Variants in CCSER1 observed in about 807,000 individuals in gnomAD.
CCSER1 encodes serine-rich coiled-coil domain-containing protein 1.
A neutral mutation model predicts 82.0 loss-of-function variants in CCSER1; 41 were observed. The ratio of observed to expected loss-of-function variants is 0.50; its 90% CI spans 0.39 to 0.65. The LOEUF (loss-of-function observed/expected upper bound fraction) is 0.65, where lower values mean the gene tolerates loss of function less well. Ranked by LOEUF, CCSER1 falls within the 30% of genes least tolerant of loss-of-function variation. The probability of loss-of-function intolerance (pLI) is 0.00; values close to 1 mark genes in which losing one functional copy is unlikely to be tolerated. For missense variants in CCSER1, 1,119 were observed against 1,064.2 expected, an observed-to-expected ratio of 1.05 and a Z score of -0.72; for synonymous variants, 414 against 383.9, an observed-to-expected ratio of 1.08 and a Z score of -0.92.
intron 10 of CCSER1, among the ~76,000 whole-genome samples, chr4:91,158,862 T>C (rs1731091011): frequency 6.6e-6 from 1 of 151,926 alleles, no homozygotes; most frequent in South Asian, 2.1e-4. Context: ...CAGAAGATAA[T>C]TAGGACATAG....
chr4:91,212,254 G>A (rs1388081944), intron 10 of CCSER1, among the ~76,000 whole-genome samples: 2 of 151,474 alleles, frequency 1.3e-5, no homozygotes, highest in African/African-American at 2.4e-5. Flanking sequence ...ATTATTCTAG[G>A]GCTCGTTTGA....
intron 10 of CCSER1, among the ~76,000 whole-genome samples, chr4:91,555,492 T>C (rs932744046): frequency 6.6e-6 from 1 of 151,132 alleles, no homozygotes; most frequent in Admixed American, 6.6e-5. Flanking sequence ...AGTACTCTGA[T>C]TAGTTGTATT....
At chr4:90,556,554 A>G (rs1778162543) in intron 5 of CCSER1, among the ~76,000 whole-genome samples, 1 of 152,094 alleles carries the variant, frequency 6.6e-6, no homozygotes, top group Non-Finnish European at 1.5e-5. Flanking sequence ...ACTTACTGAT[A>G]ACATAAACAA....
At chr4:90,708,036 G>A (rs550701950) in intron 6 of CCSER1, among the ~76,000 whole-genome samples, 2 of 152,258 alleles carry the variant, frequency 1.3e-5, no homozygotes, top group East Asian at 1.9e-4. Context: ...ATGGATCTGT[G>A]TAGTTCAAGG....
At chr4:90,165,070 CT>C (rs1218185470) in intron 1 of CCSER1, among the ~76,000 whole-genome samples, 2 of 152,086 alleles carry the variant, frequency 1.3e-5, no homozygotes, top group Admixed American at 1.3e-4. Flanking sequence ...ATCCTAAACT[CT>C]TAAGGCTGAA....
chr4:90,246,487 T>C (rs940429446), intron 1 of CCSER1, among the ~76,000 whole-genome samples: 1 of 152,172 alleles, frequency 6.6e-6, no homozygotes, highest in African/African-American at 2.4e-5. Flanking sequence ...TGGACTACTA[T>C]AAGAGCATGT....
chr4:90,707,202 G>A (rs1232503863), intron 6 of CCSER1, among the ~76,000 whole-genome samples: 1 of 151,580 alleles, frequency 6.6e-6, no homozygotes, highest in Non-Finnish European at 1.5e-5. Flanking sequence ...TAGACACATA[G>A]CTTATCTTTG....
At chr4:90,630,995 G>A (rs149528707) in intron 6 of CCSER1, among the ~76,000 whole-genome samples, 2,067 of 151,718 alleles carry the variant, frequency 0.014, 53 homozygotes, top group African/African-American at 0.047. Context: ...CCGGGTTCAC[G>A]CCATTCTCCT....
chr4:91,577,041 A>G (rs1763483475), intron 10 of CCSER1, among the ~76,000 whole-genome samples: 1 of 152,014 alleles, frequency 6.6e-6, no homozygotes, highest in Non-Finnish European at 1.5e-5. Flanking sequence ...ATTTTGCTGC[A>G]TGGAGCAAAC....
At chr4:91,439,790 C>CA (rs552245465) in intron 10 of CCSER1, among the ~76,000 whole-genome samples, 3 of 150,746 alleles carry the variant, frequency 2.0e-5, no homozygotes, top group East Asian at 2.0e-4. Context: ...AAATGGAAAA[C>CA]AAAAAAAAGG....
At chr4:90,479,801 A>G (rs1332430493) in intron 5 of CCSER1, among the ~76,000 whole-genome samples, 1 of 152,128 alleles carries the variant, frequency 6.6e-6, no homozygotes, top group African/African-American at 2.4e-5. Context: ...GTTGGGTCCA[A>G]GTCTTTGCTA....
intron 10 of CCSER1, among the ~76,000 whole-genome samples, chr4:91,458,004 A>G (rs1414259782): frequency 6.6e-6 from 1 of 152,176 alleles, no homozygotes; most frequent in Non-Finnish European, 1.5e-5. Context: ...TTATATAGTT[A>G]TGTATATTCT....
intron 10 of CCSER1, among the ~76,000 whole-genome samples, chr4:91,312,220 AG>A (rs1246072342): frequency 6.6e-6 from 1 of 151,818 alleles, no homozygotes; most frequent in Non-Finnish European, 1.5e-5. Context: ...AAGAATGACT[AG>A]ATTACAAGAG....
At chr4:91,068,713 T>G (rs2148760167) in intron 9 of CCSER1, among the ~76,000 whole-genome samples, 1 of 152,300 alleles carries the variant, frequency 6.6e-6, no homozygotes, top group South Asian at 2.1e-4. Context: ...TACCACTGGT[T>G]ACTTGTTTAA....
At chr4:90,152,430 T>G (rs1410902066) in intron 1 of CCSER1, among the ~76,000 whole-genome samples, 1 of 152,158 alleles carries the variant, frequency 6.6e-6, no homozygotes, top group African/African-American at 2.4e-5. Flanking sequence ...AAAATGGGGC[T>G]TGATTTTCCC....
intron 10 of CCSER1, among the ~76,000 whole-genome samples, chr4:91,442,302 C>G (rs1755225320): frequency 6.6e-6 from 1 of 152,046 alleles, no homozygotes; most frequent in South Asian, 2.1e-4. Context: ...GAACAGAGCC[C>G]TCAGAAATAA....
intron 10 of CCSER1, among the ~76,000 whole-genome samples, chr4:91,211,336 G>A (rs905614757): frequency 6.6e-6 from 1 of 151,990 alleles, no homozygotes; most frequent in Non-Finnish European, 1.5e-5. Flanking sequence ...CGAGTGTGTA[G>A]GAAAGACAGT....
chr4:91,163,624 G>T (rs1477119270), intron 10 of CCSER1, among the ~76,000 whole-genome samples: 1 of 152,114 alleles, frequency 6.6e-6, no homozygotes, highest in South Asian at 2.1e-4. Flanking sequence ...TCTGTGTTGG[G>T]TACATATATA....
intron 1 of CCSER1, among the ~76,000 whole-genome samples, chr4:90,278,298 A>G (rs565947713): frequency 1.7e-3 from 257 of 152,266 alleles, no homozygotes; most frequent in African/African-American, 6.0e-3. Context: ...GTGTTGAACT[A>G]CCATTCAACC....
Sources: gnomAD v4.1 joint callset for allele counts (sites outside exome capture counted in the v4.1 genomes callset) on GRCh38, gnomAD v4.1.1 for gene constraint, MANE v1.5 for transcripts, NCBI Gene and HGNC (gene_info 2026-07-23, HGNC 2026-07-21) for gene names.